DAZAP2: variants seen among roughly 807,000 people sequenced by gnomAD.
DAZAP2 encodes the protein DAZ-associated protein 2.
DAZAP2 carries 3 observed loss-of-function variants against 16.2 expected under a neutral mutation model. The observed-to-expected ratio is 0.19, with a 90% CI of 0.08 to 0.48. The LOEUF (loss-of-function observed/expected upper bound fraction) is 0.48, where lower values mean the gene tolerates loss of function less well. Ranked by LOEUF, DAZAP2 falls within the 20% of genes least tolerant of loss-of-function variation. The probability of loss-of-function intolerance (pLI) is 0.98; values close to 1 mark genes in which losing one functional copy is unlikely to be tolerated. For missense variants in DAZAP2, 172 were observed against 215.9 expected (o/e 0.80, Z 1.27); for synonymous variants, 69 against 77.6 (o/e 0.89, Z 0.58).
At chr12:51,244,176 G>A (rs910720701), downstream of DAZAP2, among the ~76,000 whole-genome samples, 18 of 152,102 alleles carry the variant, frequency 1.2e-4, no homozygotes, top group Non-Finnish European at 1.6e-4. Context: ...ATAGAATCTA[G>A]GTTGCCAAGA....
In DAZAP2 at chr12:51,242,398, A is replaced by G; in HGVS notation, c.447A>G (p.Val149=). The part of the protein sequence containing the change: ...LAVMQGANVL[V]TQRKGNFFMG... Reference sequence around the variant, plus strand: ...TCATGCAGGGAGCCAACGTCCTCGTAACTCAGCGGAAGGGGAACTTCTTCA... The same window carrying G: ...TCATGCAGGGAGCCAACGTCCTCGTGACTCAGCGGAAGGGGAACTTCTTCA... The change falls in exon 4 of 4, where the codon GTA becomes GTG. Residue 149 remains valine, a synonymous_variant. Transcript: ENST00000412716. 6.2e-7 allele frequency: 1 copy of G among 1,614,144 alleles called. No homozygotes were observed. Among genetic ancestry groups the G allele is most frequent in the Non-Finnish European group, 8.5e-7 (1 of 1,180,012 alleles).
downstream of DAZAP2, chr12:51,245,959 T>C (rs750265145): frequency 1.9e-6 from 3 of 1,613,730 alleles, no homozygotes; most frequent in South Asian, 2.2e-5. Context: ...AATATTCCTC[T>C]TTCTCGCTGC....
chr12:51,241,021 G>C lies in DAZAP2; in HGVS notation c.283G>C (p.Gly95Arg), dbSNP rs758764846. 1.9e-6 allele frequency: 3 copies of C among 1,614,110 alleles called. No homozygotes were observed. Among genetic ancestry groups the C allele is most frequent in the Non-Finnish European group, 2.5e-6 (3 of 1,180,042 alleles). The change falls in exon 3 of 4, where the codon GGT (glycine) becomes CGT (arginine). Residue 95 changes from glycine (G) to arginine (R), a missense_variant. By Grantham distance (125) the Gly-to-Arg change is moderately radical. Coordinates refer to ENST00000412716, the MANE Select transcript of DAZAP2 (RefSeq NM_014764.4). ...STIPMAYYPV[G>R]PIYPPGSTVL... ...AATCCCCATGGCTTATTATCCAGTC[G>C]GTCCCATCTATCCACCTGGCTCCAC...
Position 51,242,621 on chromosome 12 carries a change from G to C in DAZAP2, c.*163G>C. The C allele has an allele frequency of 6.4e-7, 1 of 1,569,358 alleles. No homozygotes were observed. The highest frequency in any genetic ancestry group is 8.6e-7 in the Non-Finnish European group (1 of 1,156,752). On this transcript the variant is annotated 3_prime_UTR_variant, in exon 4 of 4. Coordinates refer to ENST00000412716, the MANE Select transcript of DAZAP2 (RefSeq NM_014764.4). ...TTCAGGCACTTTTCAAATTTAATAA[G>C]GAACCATGTAATGGTAGCAGTACCT...
At chr12:51,244,859 C>G (rs950745597), downstream of DAZAP2, 1 of 131,838 alleles carries the variant, frequency 7.6e-6, no homozygotes, top group African/African-American at 2.8e-5. Flanking sequence ...GAGTCTCACT[C>G]TGTTGCCCAG....
intron 2 of DAZAP2, 88 bp from the exon 3 acceptor site, chr12:51,240,783 T>A (rs1944660963): frequency 6.6e-7 from 1 of 1,522,612 alleles, no homozygotes; most frequent in East Asian, 2.3e-5. Flanking sequence ...ATAACCTGCA[T>A]AAGGAGAATT....
chr12:51,239,563 G>T (rs997370593), intron 1 of DAZAP2: 1 of 151,752 alleles, frequency 6.6e-6, no homozygotes, highest in Non-Finnish European at 1.5e-5. Context: ...CGGATCACCT[G>T]AGGTCAAGAG....
At chr12:51,241,598 C>T (rs747694231) in intron 3 of DAZAP2, among the ~76,000 whole-genome samples, 3 of 152,170 alleles carry the variant, frequency 2.0e-5, no homozygotes, top group Non-Finnish European at 4.4e-5. Flanking sequence ...CAAATGACTG[C>T]TCAGTAACTA....
chr12:51,246,225 TTTCA>T, downstream of DAZAP2: 1 of 1,482,712 alleles, frequency 6.7e-7, no homozygotes, highest in Non-Finnish European at 9.1e-7. Flanking sequence ...ATCCTCTTGT[TTTCA>T]TTAACTAGTG....
At chr12:51,239,109 G>A (rs1454707748) in intron 1 of DAZAP2, 189 bp downstream of exon 1, 1 of 800,510 alleles carries the variant, frequency 1.2e-6, no homozygotes, top group African/African-American at 1.8e-5. Context: ...GCTGCCTCCA[G>A]GCCCTTTCCT....
chr12:51,246,062 TAAA>T, downstream of DAZAP2: 1 of 1,613,792 alleles, frequency 6.2e-7, no homozygotes, highest in Non-Finnish European at 8.5e-7. Context: ...CTTGTACAGG[TAAA>T]AGAAGATCAA....
Position 51,243,255 on chromosome 12 carries a change from C to A in DAZAP2, c.*797C>A. On this transcript the variant is annotated 3_prime_UTR_variant, in exon 4 of 4. Coordinates refer to ENST00000412716, the MANE Select transcript of DAZAP2 (RefSeq NM_014764.4). ...CCAGAAAAACTGAGCTATGTTTGAA[C>A]AAAGATGTCGTGCAAACTGTACTGT... is the stretch of plus-strand genomic sequence containing the variant. The A allele has an allele frequency of 1.0e-6, 1 of 985,866 alleles. No individual in the cohort carries two copies. The highest frequency in any genetic ancestry group is 1.2e-6 in the Non-Finnish European group (1 of 830,014). The allele number at this position is 985,866 out of a possible 1,614,324, so 61.1% of individuals were successfully genotyped here.
chr12:51,240,561 T>C lies in DAZAP2; in HGVS notation c.132+100T>C, dbSNP rs548067452. On this transcript the variant is annotated intron_variant, in intron 2 of 3. Transcript: ENST00000412716. Reference sequence around the variant, plus strand: ...ACTTCACATATTTACTCTTCACAAATGCTAACATGAATAATCTAAAACACT... The same window carrying C: ...ACTTCACATATTTACTCTTCACAAACGCTAACATGAATAATCTAAAACACT... 28 of 1,127,458 alleles carry C rather than the reference T, an allele frequency of 2.5e-5. No individual in the cohort carries two copies. In the African/African-American group the frequency reaches 4.2e-4, roughly 17 times the overall value. 69.8% of individuals were successfully genotyped at this position (1,127,458 alleles called of 1,614,324 possible).
At chr12:51,241,234 T>C in intron 3 of DAZAP2, 118 bp downstream of exon 3, 1 of 1,460,968 alleles carries the variant, frequency 6.8e-7, no homozygotes, top group South Asian at 1.3e-5. Context: ...GTACAACTAC[T>C]GACATCCAAT....
rs1944715062 is a variant in DAZAP2, at chr12:51,243,315, A to G, written c.*857A>G. 1.0e-6 allele frequency: 1 copy of G among 985,740 alleles called. No homozygotes were observed. Among genetic ancestry groups the G allele is most frequent in the East Asian group, 1.1e-4 (1 of 8,836 alleles). 61.1% of individuals were successfully genotyped at this position (985,740 alleles called of 1,614,324 possible). On this transcript the variant is annotated 3_prime_UTR_variant, in exon 4 of 4. Coordinates refer to ENST00000412716, the MANE Select transcript of DAZAP2 (RefSeq NM_014764.4). ...TTGGTTTAAAATATGAGGGGCAAGG[A>G]GGAGGATGCATTTCAAAAGCTTGAT...
At position 51,239,880 on chromosome 12, in the gene DAZAP2, T is replaced by C. The variant is rs144428931; in HGVS notation, c.14-463T>C. On this transcript the variant is annotated intron_variant, in intron 1 of 3. Coordinates refer to ENST00000412716, the MANE Select transcript of DAZAP2 (RefSeq NM_014764.4). ...CCTTTTCCCAGTCTCACGGTTCACT[T>C]CCATCATTCACACCCTTTGTTTGGA... 574 of 168,042 alleles carry C rather than the reference T, an allele frequency of 3.4e-3. 3 individuals are homozygous for C. Among genetic ancestry groups the C allele is most frequent in the African/African-American group, 0.013 (549 of 41,922 alleles). The allele number at this position is 168,042 out of a possible 1,614,324, so 10.4% of individuals were successfully genotyped here.
At position 51,240,966 on chromosome 12, in the gene DAZAP2, G is replaced by A. The variant is rs762855178; in HGVS notation, c.228G>A (p.Gln76=). 1.2e-6 allele frequency: 2 copies of A among 1,614,048 alleles called. No individual in the cohort carries two copies. Among genetic ancestry groups the A allele is most frequent in the East Asian group, 2.2e-5 (1 of 44,896 alleles). The part of the protein sequence containing the change: ...PGASLYLPMA[Q]SVAVGPLGST... ...CCTCTCTGTATCTTCCCATGGCCCA[G>A]TCTGTGGCTGTTGGGCCTTTAGGTT... Residue 76 remains glutamine, a synonymous_variant, in exon 3 of 4, where the codon CAG becomes CAA. Coordinates refer to ENST00000412716, the MANE Select transcript of DAZAP2 (RefSeq NM_014764.4).
intron 1 of DAZAP2, 148 bp downstream of exon 1, chr12:51,239,068 C>G (rs562069015): frequency 3.5e-6 from 4 of 1,147,806 alleles, no homozygotes; most frequent in East Asian, 2.7e-5. Context: ...CTGCGCCTGA[C>G]GCCTTCGTCA....
Position 51,242,523 on chromosome 12 carries a change from C to T in DAZAP2, c.*65C>T. The T allele has an allele frequency of 6.2e-7, 1 of 1,613,362 alleles. No homozygotes were observed. The highest frequency in any genetic ancestry group is 2.2e-5 in the East Asian group (1 of 44,888). On this transcript the variant is annotated 3_prime_UTR_variant, in exon 4 of 4. Transcript: ENST00000412716. ...ACCTTCAGCACTTCTCACAATGTAA[C>T]TGCTTTAGTCATATTAACCTGAAGT...
Sources: allele counts gnomAD v4.1 joint callset (sites outside exome capture counted in the v4.1 genomes callset), GRCh38; gene constraint gnomAD v4.1.1; transcripts MANE v1.5; gene names NCBI Gene and HGNC (gene_info 2026-07-23, HGNC 2026-07-21).